Variants in CDKL4 observed in about 807,000 individuals in gnomAD.
CDKL4 encodes the protein cyclin dependent kinase like 4, also known as cyclin-dependent kinase-like 4.
CDKL4 carries 44 observed loss-of-function variants against 42.0 expected under a neutral mutation model. That is an observed-to-expected ratio of 1.05 (90% CI 0.82 to 1.35). The LOEUF is 1.35. CDKL4 is among the 40% of genes most tolerant of loss of function. The pLI is 0.00. For missense variants in CDKL4, 393 were observed against 369.9 expected, an observed-to-expected ratio of 1.06 and a Z score of -0.51; for synonymous variants, 120 against 121.6, an observed-to-expected ratio of 0.99 and a Z score of 0.09.
intron 1 of CDKL4, among the ~76,000 whole-genome samples, chr2:39,236,804 G>A (rs1282396425): frequency 6.6e-6 from 1 of 152,122 alleles, no homozygotes; most frequent in East Asian, 1.9e-4. Context: ...TTGGACAAGT[G>A]CCTAGAAAGA....
chr2:39,169,870 C>T, the CDKL4 span, among the ~76,000 whole-genome samples: 2 of 152,132 alleles, frequency 1.3e-5, no homozygotes, highest in East Asian at 3.9e-4. Context: ...ATGATCTCAG[C>T]TCACTGCAAC....
chr2:39,217,062 CAAAG>C (rs1284858127), intron 3 of CDKL4, among the ~76,000 whole-genome samples: 3 of 152,086 alleles, frequency 2.0e-5, no homozygotes, highest in Non-Finnish European at 2.9e-5. Flanking sequence ...AGATAACCAT[CAAAG>C]AGAGTACACA....
chr2:39,235,972 G>A (rs532952391), intron 1 of CDKL4, among the ~76,000 whole-genome samples: 1 of 152,078 alleles, frequency 6.6e-6, no homozygotes, highest in East Asian at 1.9e-4. Flanking sequence ...TGGATTCTGA[G>A]TAGACTCAGA....
chr2:39,231,682 G>A (rs935924366), intron 1 of CDKL4, among the ~76,000 whole-genome samples: 1 of 152,214 alleles, frequency 6.6e-6, no homozygotes, highest in African/African-American at 2.4e-5. Flanking sequence ...ATATTTAGAT[G>A]TGAGCATGCA....
intron 9 of CDKL4, among the ~76,000 whole-genome samples, chr2:39,176,456 ACT>A (rs1553379000): frequency 6.6e-6 from 1 of 151,942 alleles, no homozygotes; most frequent in Non-Finnish European, 1.5e-5. Flanking sequence ...ACACCATTTC[ACT>A]CTGTTTCAGC....
intron 3 of CDKL4, among the ~76,000 whole-genome samples, chr2:39,225,617 C>A (rs562619681): frequency 6.6e-6 from 1 of 152,222 alleles, no homozygotes; most frequent in South Asian, 2.1e-4. Context: ...GCCTCAAATT[C>A]ATTTTGATTT....
chr2:39,234,074 C>T (rs1021590283), intron 1 of CDKL4, among the ~76,000 whole-genome samples: 10 of 151,846 alleles, frequency 6.6e-5, no homozygotes, highest in African/African-American at 9.7e-5. Context: ...CCACCACTCC[C>T]GGCTAATTTT....
At chr2:39,229,631 C>T in intron 1 of CDKL4, 43 bp from the exon 2 acceptor site, 1 of 940,118 alleles carries the variant, frequency 1.1e-6, no homozygotes, top group Non-Finnish European at 1.6e-6. Flanking sequence ...CTATAAAAGA[C>T]AATGTTCTCA....
At position 39,209,150 on chromosome 2, in the gene CDKL4, A is replaced by ATT. The variant is rs372064138; in HGVS notation, c.363+4248_363+4249dup. ...ACTATCTCTACAAAAAAAAAAAAAA[A>ATT]TTTTTTTTTTAAATTAGCCATGCAT... is the stretch of plus-strand genomic sequence containing the variant. On this transcript the variant is annotated intron_variant, in intron 4 of 9. Coordinates refer to ENST00000451199, the Ensembl canonical transcript of CDKL4. Among the ~76,000 whole-genome samples, 197 of 73,096 alleles carry ATT rather than the reference A, an allele frequency of 2.7e-3. 1 individual carries two copies. The highest frequency in any genetic ancestry group is 6.2e-3 in the African/African-American group (190 of 30,744). 48.0% of individuals were successfully genotyped at this position (73,096 alleles called of 152,430 possible).
chr2:39,229,131 T>A (rs543713019), intron 2 of CDKL4, among the ~76,000 whole-genome samples: 1 of 152,278 alleles, frequency 6.6e-6, no homozygotes, highest in Admixed American at 6.5e-5. Context: ...ACTTAGGATA[T>A]TTACTAACAA....
At chr2:39,198,329 C>G (rs1220583255) in intron 5 of CDKL4, among the ~76,000 whole-genome samples, 2 of 150,724 alleles carry the variant, frequency 1.3e-5, no homozygotes, top group Non-Finnish European at 2.9e-5. Context: ...AACATTGGAG[C>G]TTCCATATTT....
intron 1 of CDKL4, among the ~76,000 whole-genome samples, chr2:39,242,027 T>G (rs1189148970): frequency 6.6e-6 from 1 of 151,830 alleles, no homozygotes; most frequent in Non-Finnish European, 1.5e-5. Context: ...TTGAAAATAG[T>G]TTTCTTTTTC....
At chr2:39,179,451 A>T in intron 8 of CDKL4, 130 bp from the exon 9 acceptor site, 1 of 691,944 alleles carries the variant, frequency 1.4e-6, no homozygotes, top group East Asian at 2.9e-5. Context: ...ATTATCAAGT[A>T]GTTGGAGCTT....
chr2:39,246,418 A>G (rs1327706264), upstream of CDKL4, among the ~76,000 whole-genome samples: 1 of 152,208 alleles, frequency 6.6e-6, no homozygotes, highest in Non-Finnish European at 1.5e-5. Flanking sequence ...GTACAAATCC[A>G]TCAACCCATT....
intron 2 of CDKL4, among the ~76,000 whole-genome samples, chr2:39,226,738 C>G (rs981954623): frequency 2.0e-5 from 3 of 151,914 alleles, no homozygotes; most frequent in African/African-American, 7.3e-5. Context: ...GTCACTCCGT[C>G]TGTAACTAGG....
intron 3 of CDKL4, among the ~76,000 whole-genome samples, chr2:39,218,900 C>T (rs982936589): frequency 6.6e-6 from 1 of 152,174 alleles, no homozygotes; most frequent in African/African-American, 2.4e-5. Flanking sequence ...TAATAAATTT[C>T]CTGTTATCAG....
At chr2:39,186,286 G>C (rs1311632814) in intron 7 of CDKL4, among the ~76,000 whole-genome samples, 1 of 152,106 alleles carries the variant, frequency 6.6e-6, no homozygotes, top group Non-Finnish European at 1.5e-5. Context: ...AAAATGAACA[G>C]GGTGTCTAGA....
intron 3 of CDKL4, among the ~76,000 whole-genome samples, chr2:39,218,908 C>T (rs2148366274): frequency 6.6e-6 from 1 of 152,300 alleles, no homozygotes; most frequent in Middle Eastern, 3.4e-3. Flanking sequence ...TTCCTGTTAT[C>T]AGTACCTCTA....
exon 4 of CDKL4, chr2:39,213,457 C>T (rs1677709505): frequency 3.7e-6 from 6 of 1,610,824 alleles, no homozygotes; most frequent in Non-Finnish European, 5.1e-6. Context: ...CGCTTTTGAT[C>T]ACTCCATCAG....
Sources: allele counts gnomAD v4.1 joint callset (sites outside exome capture counted in the v4.1 genomes callset), GRCh38; gene constraint gnomAD v4.1.1; transcripts MANE v1.5; gene names NCBI Gene and HGNC (gene_info 2026-07-23, HGNC 2026-07-21).